The following NOSTRIN variants were observed in gnomAD, a reference collection of about 807,000 sequenced individuals.
NOSTRIN encodes BM247 homolog.
Under a neutral mutation model 59.0 loss-of-function variants are expected in NOSTRIN, and 63 were observed. That is an observed-to-expected ratio of 1.07 (90% confidence interval 0.87 to 1.32). The LOEUF (loss-of-function observed/expected upper bound fraction) is 1.32, where lower values mean the gene tolerates loss of function less well. Ranked by LOEUF, NOSTRIN falls within the 40% of genes most tolerant of loss-of-function variation. The pLI is 0.00. For missense variants in NOSTRIN, 512 were observed against 473.1 expected (o/e 1.08, Z -0.76); for synonymous variants, 200 against 165.4 (o/e 1.21, Z -1.61).
upstream of NOSTRIN, among the ~76,000 whole-genome samples, chr2:168,794,256 GA>G (rs1207739323): frequency 6.6e-6 from 1 of 152,062 alleles, no homozygotes; most frequent in African/African-American, 2.4e-5. Context: ...GAGGCAAAAT[GA>G]AAGAACTCGT....
Position 168,825,801 on chromosome 2 carries a change from T to C in NOSTRIN, c.197+1084T>C, listed in dbSNP as rs553524554. Among the ~76,000 whole-genome samples, 555 of 152,230 alleles carry C rather than the reference T, an allele frequency of 3.6e-3. 4 individuals carry two copies. Among genetic ancestry groups the C allele is most frequent in the Admixed American group, 4.6e-3 (70 of 15,304 alleles). Reference sequence around the variant, plus strand: ...CCATTGTAGAGGTCTCTTTTGATGATGAAAGAGATAAGAAGGGGAAAGGAA... The same window carrying C: ...CCATTGTAGAGGTCTCTTTTGATGACGAAAGAGATAAGAAGGGGAAAGGAA... On this transcript the variant is annotated intron_variant, in intron 3 of 15. Coordinates refer to ENST00000317647, the MANE Select transcript of NOSTRIN (RefSeq NM_001039724.4).
At chr2:168,834,162 G>A in intron 6 of NOSTRIN, 65 bp from the exon 7 acceptor site, 2 of 802,912 alleles carry the variant, frequency 2.5e-6, no homozygotes, top group African/African-American at 3.4e-5. Context: ...TTCCAAAAGA[G>A]GAGAGTTTTC....
chr2:168,826,980 G>T (rs1359872442), intron 3 of NOSTRIN, among the ~76,000 whole-genome samples: 4 of 151,870 alleles, frequency 2.6e-5, no homozygotes, highest in Non-Finnish European at 5.9e-5. Flanking sequence ...TATATAGCAG[G>T]TATGCTCTTG....
chr2:168,797,079 C>CTTTTCT (rs1553519713), upstream of NOSTRIN, among the ~76,000 whole-genome samples: 15,777 of 75,500 alleles, frequency 0.21, 2,691 homozygotes, highest in South Asian at 0.39. Context: ...TTTCTTTTTT[C>CTTTTCT]TTTTTTTTTT....
chr2:168,827,598 C>T (rs77575079), intron 3 of NOSTRIN, among the ~76,000 whole-genome samples: 2,804 of 151,962 alleles, frequency 0.018, 76 homozygotes, highest in African/African-American at 0.064. Flanking sequence ...TCAGGGGATA[C>T]GGTCTTGCTC....
chr2:168,812,181 A>G (rs1686174668), intron 2 of NOSTRIN: 1 of 152,216 alleles, frequency 6.6e-6, no homozygotes, highest in Admixed American at 6.5e-5. Context: ...GAGCACATTT[A>G]ACTCAGTCAA....
chr2:168,837,975 C>T (rs2105691557), intron 7 of NOSTRIN, among the ~76,000 whole-genome samples: 1 of 152,214 alleles, frequency 6.6e-6, no homozygotes, highest in Middle Eastern at 3.4e-3. Context: ...GATTTCTCTT[C>T]TGGGCCTCAC....
chr2:168,855,861 C>T (rs1430090189), intron 11 of NOSTRIN: 2 of 446,998 alleles, frequency 4.5e-6, no homozygotes, highest in Admixed American at 2.5e-5. Context: ...ATGTAAAAAC[C>T]TTTCAAATTA....
At chr2:168,788,763 A>G (rs1442688410) in intron 2 of NOSTRIN, among the ~76,000 whole-genome samples, 1 of 152,220 alleles carries the variant, frequency 6.6e-6, no homozygotes, top group East Asian at 1.9e-4. Context: ...TGAACTTAGT[A>G]GTATTGGATT....
intron 11 of NOSTRIN, 120 bp from the exon 12 acceptor site, chr2:168,856,570 G>C: frequency 1.3e-6 from 1 of 762,924 alleles, no homozygotes; most frequent in Non-Finnish European, 2.1e-6. Context: ...GCAAGACTCC[G>C]TCTTAAAAAA....
chr2:168,800,840 A>T (rs898234228), upstream of NOSTRIN, among the ~76,000 whole-genome samples: 6 of 151,262 alleles, frequency 4.0e-5, no homozygotes, highest in African/African-American at 1.5e-4. Context: ...AGGGCAGAGA[A>T]GCCCCCTCAA....
intron 2 of NOSTRIN, among the ~76,000 whole-genome samples, chr2:168,823,008 C>G (rs1344543665): frequency 6.6e-6 from 1 of 151,920 alleles, no homozygotes; most frequent in Non-Finnish European, 1.5e-5. Context: ...AGTTGTATTA[C>G]TTTTGTTTTT....
intron 2 of NOSTRIN, among the ~76,000 whole-genome samples, chr2:168,792,645 G>GT (rs1477211262): frequency 6.6e-6 from 1 of 151,654 alleles, no homozygotes; most frequent in Non-Finnish European, 1.5e-5. Flanking sequence ...GTTTTGTTTT[G>GT]TTTTTTGTAT....
intron 15 of NOSTRIN, chr2:168,863,351 G>C (rs756075395): frequency 2.7e-5 from 25 of 936,968 alleles, no homozygotes; most frequent in Non-Finnish European, 3.2e-5. Flanking sequence ...AGATAGAAAA[G>C]GAGTTAATAA....
chr2:168,834,490 T>TGC lies in NOSTRIN; in HGVS notation c.504+182_504+183dup, dbSNP rs145224351. Among the ~76,000 whole-genome samples the TGC allele has an allele frequency of 3.5e-3, 307 of 87,544 alleles. 3 individuals carry two copies. The highest frequency in any genetic ancestry group is 8.7e-3 in the African/African-American group (189 of 21,802). The allele number at this position is 87,544 out of a possible 152,430, so 57.4% of individuals were successfully genotyped here. A position where few individuals can be genotyped will look rare whatever the true frequency, so the allele number is the denominator to read the frequency against. ...AGGGGATTCCAAATCATTACTGGCG[T>TGC]GCGCGCGCGCGCGCGCGCACACACA... On this transcript the variant is annotated intron_variant, in intron 7 of 15. Coordinates refer to ENST00000317647, the MANE Select transcript of NOSTRIN (RefSeq NM_001039724.4).
chr2:168,827,140 C>T (rs1171783804), intron 3 of NOSTRIN, among the ~76,000 whole-genome samples: 1 of 150,806 alleles, frequency 6.6e-6, no homozygotes, highest in Non-Finnish European at 1.5e-5. Flanking sequence ...CAGATCCACC[C>T]CCTTCCTCTT....
upstream of NOSTRIN, among the ~76,000 whole-genome samples, chr2:168,802,195 G>A (rs751295551): frequency 3.3e-5 from 5 of 152,150 alleles, no homozygotes; most frequent in African/African-American, 4.8e-5. Context: ...AACCCTCAGA[G>A]AGGCAGTCTG....
At chr2:168,857,509 T>C (rs1359275084) in intron 12 of NOSTRIN, among the ~76,000 whole-genome samples, 4 of 152,194 alleles carry the variant, frequency 2.6e-5, no homozygotes, top group African/African-American at 9.7e-5. Flanking sequence ...GCCTTTGTGC[T>C]GAGTGTGTGA....
intron 6 of NOSTRIN, 169 bp from the exon 7 acceptor site, chr2:168,834,058 T>A: frequency 1.8e-6 from 1 of 543,502 alleles, no homozygotes; most frequent in South Asian, 2.7e-5. Context: ...GAAGTGAGGA[T>A]GGGAATGAAG....
Sources: allele counts gnomAD v4.1 joint callset (sites outside exome capture counted in the v4.1 genomes callset), GRCh38; gene constraint gnomAD v4.1.1; transcripts MANE v1.5; gene names NCBI Gene and HGNC (gene_info 2026-07-23, HGNC 2026-07-21).